SRGAP2C: variants seen among roughly 807,000 people sequenced by gnomAD.
SRGAP2C encodes SLIT-ROBO Rho GTPase-activating protein 2C.
A neutral mutation model predicts 25.1 loss-of-function variants in SRGAP2C; 15 were observed. The observed-to-expected ratio is 0.60, with a 90% CI of 0.40 to 0.92. The LOEUF (loss-of-function observed/expected upper bound fraction) is 0.92, where lower values mean the gene tolerates loss of function less well. Ranked by LOEUF, SRGAP2C falls within the 40% of genes least tolerant of loss-of-function variation. SRGAP2C has a pLI of 0.00. For synonymous variants in SRGAP2C, 44 were observed against 96.6 expected (o/e 0.46, Z 3.19); for missense variants, 144 against 264.4 (o/e 0.54, Z 3.16).
intron 4 of SRGAP2C, among the ~76,000 whole-genome samples, chr1:121,335,460 ATTTTTTT>A (rs1162681731): frequency 2.2e-3 from 212 of 95,008 alleles, no homozygotes; most frequent in African/African-American, 8.1e-3. Context: ...TTTATTTCAG[ATTTTTTT>A]TTTTTTTTTT....
In SRGAP2C at chr1:121,288,635, G is replaced by A. The variant is rs1447348300; in HGVS notation, c.260+3640G>A. Reference sequence around the variant, plus strand: ...ACTTACAAACCTTGAGCTAAACACAGGGTGCTGATTGGTGTGTTTACAAAC... The same window carrying A: ...ACTTACAAACCTTGAGCTAAACACAAGGTGCTGATTGGTGTGTTTACAAAC... On this transcript the variant is annotated intron_variant, in intron 3 of 9. Transcript: ENST00000367123. 3.9e-5 allele frequency among the ~76,000 whole-genome samples: 3 copies of A among 76,838 alleles called. 1 individual carries two copies. The highest frequency in any genetic ancestry group is 7.9e-5 in the Non-Finnish European group (3 of 37,826). The allele number at this position is 76,838 out of a possible 152,430, so 50.4% of individuals were successfully genotyped here.
At chr1:121,285,415 C>CACACACACAT (rs1179434799) in intron 3 of SRGAP2C, among the ~76,000 whole-genome samples, 13 of 148,640 alleles carry the variant, frequency 8.7e-5, no homozygotes, top group Non-Finnish European at 1.5e-4. Flanking sequence ...CACACACACA[C>CACACACACAT]ACACACACAC....
intron 2 of SRGAP2C, among the ~76,000 whole-genome samples, chr1:121,235,091 G>A (rs1265771449): frequency 5.7e-5 from 8 of 140,792 alleles, no homozygotes; most frequent in African/African-American, 1.4e-4. Context: ...GCTAGATCTC[G>A]GCTCGCTGCA....
chr1:121,262,801 T>G (rs1301015786), intron 2 of SRGAP2C, among the ~76,000 whole-genome samples: 1 of 151,292 alleles, frequency 6.6e-6, no homozygotes, highest in Non-Finnish European at 1.5e-5. Context: ...AATAAAGAAC[T>G]GGGATACGGG....
In SRGAP2C at chr1:121,355,378, C is replaced by T. The variant is rs1553347375; in HGVS notation, c.424-9915C>T. ...TGTCACCCAGGCTGGAGTGCAGTGG[C>T]GCGATCTTGGCTCACTGCAAGCTCT... On this transcript the variant is annotated intron_variant, in intron 4 of 9. Transcript: ENST00000367123. 9.2e-5 allele frequency among the ~76,000 whole-genome samples: 7 copies of T among 75,862 alleles called. 1 individual carries two copies. The highest frequency in any genetic ancestry group is 2.0e-4 in the Admixed American group (1 of 5,100). 49.8% of individuals were successfully genotyped at this position (75,862 alleles called of 152,430 possible).
chr1:121,249,572 ATATATATATTT>A (rs1428020479), intron 2 of SRGAP2C, among the ~76,000 whole-genome samples: 438 of 27,376 alleles, frequency 0.016, 6 homozygotes, highest in Admixed American at 0.029. Context: ...ATATATATAT[ATATATATATTT>A]TTTTTTTTTT....
chr1:121,353,015 G>A (rs1553346508), intron 4 of SRGAP2C, among the ~76,000 whole-genome samples: 3 of 150,924 alleles, frequency 2.0e-5, no homozygotes, highest in South Asian at 4.2e-4. Flanking sequence ...GCGTGAACCC[G>A]GGAGGCAGAG....
chr1:121,217,173 C>T (rs1553324859), intron 2 of SRGAP2C, among the ~76,000 whole-genome samples: 2 of 151,920 alleles, frequency 1.3e-5, no homozygotes, highest in African/African-American at 2.4e-5. Context: ...TAGGCCTACC[C>T]CTAATGAAGA....
intron 2 of SRGAP2C, among the ~76,000 whole-genome samples, chr1:121,211,458 C>CAT (rs59738268): frequency 0.072 from 10,044 of 139,216 alleles, 407 homozygotes; most frequent in African/African-American, 0.17. Flanking sequence ...CACACACACA[C>CAT]ACATCTTACC....
At chr1:121,360,582 C>A (rs1405922950) in intron 4 of SRGAP2C, 1 of 27,092 alleles carries the variant, frequency 3.7e-5, no homozygotes, top group African/African-American at 1.5e-4. Context: ...ATTTTGGTGG[C>A]CCAAGTTAGC....
chr1:121,188,301 G>T (rs1206612458), intron 2 of SRGAP2C, among the ~76,000 whole-genome samples: 1 of 152,218 alleles, frequency 6.6e-6, no homozygotes, highest in Non-Finnish European at 1.5e-5. Context: ...GAAGGGTAAA[G>T]CAAAATGTGG....
At chr1:121,314,271 CT>C (rs1181225499) in intron 3 of SRGAP2C, among the ~76,000 whole-genome samples, 2 of 144,964 alleles carry the variant, frequency 1.4e-5, no homozygotes, top group Non-Finnish European at 3.0e-5. Flanking sequence ...TGGTTTTCAG[CT>C]CCATCAGCTC....
chr1:121,280,608 G>C, intron 2 of SRGAP2C, among the ~76,000 whole-genome samples: 1 of 151,668 alleles, frequency 6.6e-6, no homozygotes, highest in African/African-American at 2.4e-5. Flanking sequence ...AGGGGAGGCT[G>C]TTTGGATGTA....
intron 2 of SRGAP2C, among the ~76,000 whole-genome samples, chr1:121,235,124 C>A (rs1406140348): frequency 1.4e-5 from 2 of 146,524 alleles, no homozygotes; most frequent in Non-Finnish European, 3.0e-5. Flanking sequence ...CGGGTTCACG[C>A]CATTCTCCAT....
At chr1:121,226,021 A>G (rs1337697926) in intron 2 of SRGAP2C, among the ~76,000 whole-genome samples, 1 of 151,990 alleles carries the variant, frequency 6.6e-6, no homozygotes, top group Non-Finnish European at 1.5e-5. Context: ...CATATCTTTA[A>G]TTAGAACCCA....
intron 3 of SRGAP2C, among the ~76,000 whole-genome samples, chr1:121,319,549 G>C (rs1658157089): frequency 6.6e-6 from 1 of 151,286 alleles, no homozygotes; most frequent in African/African-American, 2.4e-5. Flanking sequence ...TTAAGCGCTT[G>C]TTGCTAAGTT....
intron 3 of SRGAP2C, among the ~76,000 whole-genome samples, chr1:121,316,513 G>A (rs1658102314): frequency 1.5e-5 from 1 of 65,476 alleles, no homozygotes; most frequent in African/African-American, 6.8e-5. Flanking sequence ...TACTTATAGG[G>A]CTTCTGGTGA....
intron 2 of SRGAP2C, among the ~76,000 whole-genome samples, chr1:121,211,402 T>G (rs1454527647): frequency 2.2e-4 from 28 of 127,782 alleles, no homozygotes; most frequent in Non-Finnish European, 3.5e-4. Context: ...GAGAGAGAGA[T>G]ATATATATAC....
chr1:121,221,911 C>T (rs1402341722), intron 2 of SRGAP2C, among the ~76,000 whole-genome samples: 1 of 151,866 alleles, frequency 6.6e-6, no homozygotes, highest in Non-Finnish European at 1.5e-5. Context: ...GGAGCTGGCT[C>T]CTTGAAATGC....
Sources: gnomAD v4.1 joint callset for allele counts (sites outside exome capture counted in the v4.1 genomes callset) on GRCh38, gnomAD v4.1.1 for gene constraint, MANE v1.5 for transcripts, NCBI Gene and HGNC (gene_info 2026-07-23, HGNC 2026-07-21) for gene names.